BPGM: variants seen among roughly 807,000 people sequenced by gnomAD.
The protein encoded by BPGM is bisphosphoglycerate mutase, also known as 2,3-bisphosphoglycerate mutase, erythrocyte.
In BPGM, 15 loss-of-function variants were observed where a neutral mutation model predicts 21.6. That is an observed-to-expected ratio of 0.70 (90% CI 0.47 to 1.07). BPGM has a LOEUF of 1.07. Ranked by LOEUF, BPGM falls within the 50% of genes least tolerant of loss-of-function variation. The pLI is 0.00. For missense variants in BPGM, 273 were observed against 319.0 expected (o/e 0.86, Z 1.10); for synonymous variants, 113 against 116.2 (o/e 0.97, Z 0.18).
At chr7:134,650,362 A>G (rs893399277) in intron 1 of BPGM, among the ~76,000 whole-genome samples, 1 of 152,188 alleles carries the variant, frequency 6.6e-6, no homozygotes, top group Non-Finnish European at 1.5e-5. Flanking sequence ...TCTGCCTGGT[A>G]TGGTTGGTTA....
chr7:134,648,121 C>CTTTTT (rs1562965501), intron 1 of BPGM, among the ~76,000 whole-genome samples: 3 of 131,128 alleles, frequency 2.3e-5, no homozygotes, highest in African/African-American at 6.2e-5. Flanking sequence ...TTCTTTCTTT[C>CTTTTT]TTTTGTTTTG....
At chr7:134,668,666 T>A (rs1482388438) in intron 2 of BPGM, among the ~76,000 whole-genome samples, 4 of 152,230 alleles carry the variant, frequency 2.6e-5, no homozygotes, top group Non-Finnish European at 5.9e-5. Flanking sequence ...TGCTGTTTAG[T>A]ATATCCTGGT....
At chr7:134,659,987 TA>T (rs1441827754) in intron 1 of BPGM, among the ~76,000 whole-genome samples, 1 of 152,210 alleles carries the variant, frequency 6.6e-6, no homozygotes, top group African/African-American at 2.4e-5. Flanking sequence ...AAGTACATTC[TA>T]TGTTGTTTGC....
intron 1 of BPGM, among the ~76,000 whole-genome samples, chr7:134,651,890 A>G (rs1204013109): frequency 9.2e-5 from 14 of 152,242 alleles, no homozygotes; most frequent in Admixed American, 9.2e-4. Context: ...GAGCAAGTAT[A>G]CATTCCCCTG....
At chr7:134,649,763 C>T (rs1585849836) in intron 1 of BPGM, among the ~76,000 whole-genome samples, 1 of 152,210 alleles carries the variant, frequency 6.6e-6, no homozygotes, top group East Asian at 1.9e-4. Flanking sequence ...TTACCATCAC[C>T]TTCTTCCATC....
chr7:134,654,631 C>T (rs1316368349), intron 1 of BPGM, among the ~76,000 whole-genome samples: 1 of 152,174 alleles, frequency 6.6e-6, no homozygotes, highest in Non-Finnish European at 1.5e-5. Context: ...TGATCATCTT[C>T]ATAGTACTCT....
At chr7:134,663,105 A>G (rs1001148164) in intron 2 of BPGM, among the ~76,000 whole-genome samples, 1 of 152,208 alleles carries the variant, frequency 6.6e-6, no homozygotes, top group African/African-American at 2.4e-5. Context: ...AAATTTCTCC[A>G]CCATTCGTTT....
chr7:134,656,534 C>T (rs1392353529), intron 1 of BPGM, among the ~76,000 whole-genome samples: 5 of 152,146 alleles, frequency 3.3e-5, no homozygotes, highest in Non-Finnish European at 5.9e-5. Context: ...AGGAAACTTA[C>T]AATCATGGTG....
chr7:134,670,051 C>T (rs1367657449), intron 2 of BPGM, among the ~76,000 whole-genome samples: 4 of 152,132 alleles, frequency 2.6e-5, no homozygotes, highest in Non-Finnish European at 5.9e-5. Flanking sequence ...TTCCTGCTGG[C>T]GCACGTCCAA....
At chr7:134,649,172 T>G (rs1562965800) in intron 1 of BPGM, among the ~76,000 whole-genome samples, 1 of 143,312 alleles carries the variant, frequency 7.0e-6, no homozygotes, top group Non-Finnish European at 1.5e-5. Flanking sequence ...TACAATTAAA[T>G]TGTTTTTTTT....
intron 2 of BPGM, among the ~76,000 whole-genome samples, chr7:134,662,976 G>A (rs541401454): frequency 5.3e-5 from 8 of 152,272 alleles, no homozygotes; most frequent in Non-Finnish European, 7.4e-5. Context: ...TGGATTTCTC[G>A]TTTCCCTCTC....
chr7:134,653,263 A>G (rs567465731), intron 1 of BPGM, among the ~76,000 whole-genome samples: 75 of 152,310 alleles, frequency 4.9e-4, no homozygotes, highest in Admixed American at 3.7e-3. Context: ...GAAAGCCTAA[A>G]AAATTTGCTA....
At position 134,661,647 on chromosome 7, in the gene BPGM, C is replaced by A; in HGVS notation, c.140C>A (p.Ala47Glu). The A allele has an allele frequency of 1.2e-6, 2 of 1,614,104 alleles. No homozygotes were observed. The highest frequency in any genetic ancestry group is 1.7e-5 in the Admixed American group (1 of 59,990). ...EARNCGKQLK[A>E]LNFEFDLVFT... is the part of the protein sequence containing the mutation. ...CGGAACTGTGGGAAGCAACTCAAAGCGTTAAACTTTGAGTTTGATCTTGTA... is the reference window on the plus strand; with the variant it reads ...CGGAACTGTGGGAAGCAACTCAAAGAGTTAAACTTTGAGTTTGATCTTGTA... Residue 47 changes from alanine to glutamate, a missense_variant, in exon 2 of 3, where the codon GCG becomes GAG. Transcript: ENST00000344924. The surrounding 1 kb of genome is among the most constrained non-coding windows in gnomAD (Gnocchi z 4.6).
chr7:134,659,643 C>A (rs1386062462), intron 1 of BPGM, among the ~76,000 whole-genome samples: 1 of 152,172 alleles, frequency 6.6e-6, no homozygotes, highest in Non-Finnish European at 1.5e-5. Context: ...GGGTCCTGAG[C>A]CCAGGCTCTT....
chr7:134,677,788 C>G (rs1290912894), intron 2 of BPGM, among the ~76,000 whole-genome samples: 1 of 152,168 alleles, frequency 6.6e-6, no homozygotes, highest in Non-Finnish European at 1.5e-5. Context: ...TTTCAGTTGT[C>G]TTTTAGCTTG....
chr7:134,664,326 C>A (rs6979233), intron 2 of BPGM, among the ~76,000 whole-genome samples: 73,117 of 152,024 alleles, frequency 0.48, 17,800 homozygotes, highest in East Asian at 0.69. Flanking sequence ...GACAATTCTT[C>A]CTTGCCTTGG....
chr7:134,652,721 A>G (rs536097587), intron 1 of BPGM, among the ~76,000 whole-genome samples: 72 of 152,312 alleles, frequency 4.7e-4, no homozygotes, highest in African/African-American at 1.5e-3. Context: ...GAGTGAAAAC[A>G]TGTGAAATTT....
chr7:134,671,287 G>A (rs1216868301), intron 2 of BPGM, among the ~76,000 whole-genome samples: 1 of 151,364 alleles, frequency 6.6e-6, no homozygotes, highest in East Asian at 1.9e-4. Flanking sequence ...TGTCTGTACT[G>A]TACCTCTGAC....
intron 1 of BPGM, chr7:134,658,766 T>C (rs1795680886): frequency 6.6e-6 from 1 of 152,272 alleles, no homozygotes; most frequent in Non-Finnish European, 1.5e-5. Flanking sequence ...CATACTAGTT[T>C]AGTACTTTAT....
Sources: allele counts gnomAD v4.1 joint callset (sites outside exome capture counted in the v4.1 genomes callset), GRCh38; gene constraint gnomAD v4.1.1; non-coding constraint Gnocchi (gnomAD v3.1); transcripts MANE v1.5; gene names NCBI Gene and HGNC (gene_info 2026-07-23, HGNC 2026-07-21).